The following WBP1L variants were observed in gnomAD, a reference collection of about 807,000 sequenced individuals.
WBP1L encodes WW domain binding protein 1 like.
Under a neutral mutation model 33.7 loss-of-function variants are expected in WBP1L, and 17 were observed. That is an observed-to-expected ratio of 0.50 (90% CI 0.34 to 0.76). The LOEUF (loss-of-function observed/expected upper bound fraction) is 0.76, where lower values mean the gene tolerates loss of function less well. WBP1L is among the 30% of genes least tolerant of loss of function. The pLI is 0.01. For missense variants in WBP1L, 389 were observed against 469.4 expected (o/e 0.83, Z 1.58); for synonymous variants, 173 against 190.8 (o/e 0.91, Z 0.77).
intron 1 of WBP1L, among the ~76,000 whole-genome samples, chr10:102,747,510 T>G (rs1344356340): frequency 2.0e-5 from 3 of 152,108 alleles, no homozygotes; most frequent in Admixed American, 2.0e-4. Context: ...GAATGTTTGT[T>G]TTTGTTGTTG....
intron 1 of WBP1L, among the ~76,000 whole-genome samples, chr10:102,771,150 T>G (rs1248418478): frequency 2.0e-5 from 3 of 152,174 alleles, no homozygotes; most frequent in Non-Finnish European, 4.4e-5. Context: ...ATTTAAAGAT[T>G]ATAAATATAT....
intron 1 of WBP1L, among the ~76,000 whole-genome samples, chr10:102,760,256 A>G (rs546046344): frequency 6.6e-6 from 1 of 151,942 alleles, no homozygotes; most frequent in South Asian, 2.1e-4. Flanking sequence ...TTTTCTTTTA[A>G]ACTGGGCTCG....
chr10:102,766,478 TG>T (rs1843112271), intron 1 of WBP1L, among the ~76,000 whole-genome samples: 1 of 148,196 alleles, frequency 6.7e-6, no homozygotes, highest in Non-Finnish European at 1.5e-5. Context: ...AAAAATAAGT[TG>T]GGCATTGTAG....
intron 3 of WBP1L, among the ~76,000 whole-genome samples, chr10:102,811,166 C>T (rs886936483): frequency 1.3e-5 from 2 of 152,028 alleles, no homozygotes; most frequent in African/African-American, 4.8e-5. Flanking sequence ...TGGCTCAGCA[C>T]TTTGGGAGGC....
chr10:102,783,077 C>T (rs2095720994), intron 1 of WBP1L, among the ~76,000 whole-genome samples: 1 of 152,130 alleles, frequency 6.6e-6, no homozygotes, highest in Non-Finnish European at 1.5e-5. Flanking sequence ...GGTTTGAATA[C>T]CTGTGATCTC....
intron 1 of WBP1L, among the ~76,000 whole-genome samples, chr10:102,767,240 A>G (rs971156005): frequency 5.9e-5 from 9 of 152,234 alleles, no homozygotes; most frequent in Admixed American, 3.3e-4. Context: ...TACGAAAGTA[A>G]TAAATATTTC....
chr10:102,763,304 A>G (rs928609084), intron 1 of WBP1L, among the ~76,000 whole-genome samples: 1 of 151,984 alleles, frequency 6.6e-6, no homozygotes, highest in African/African-American at 2.4e-5. Flanking sequence ...TGTGCTGCTC[A>G]AAATATAGGA....
chr10:102,798,122 G>C (rs1281790709), intron 2 of WBP1L, 27 bp downstream of exon 2: 2 of 1,596,520 alleles, frequency 1.3e-6, no homozygotes, highest in African/African-American at 2.7e-5. Context: ...GTGCCTCTCA[G>C]TATCCCAGGG....
intron 1 of WBP1L, among the ~76,000 whole-genome samples, chr10:102,757,569 CTTTTTTTT>C (rs60213859): frequency 4.4e-4 from 39 of 88,810 alleles, no homozygotes; most frequent in African/African-American, 1.7e-3. Context: ...GTTTCTGAGC[CTTTTTTTT>C]TTTTTTTTTT....
At chr10:102,745,424 T>C (rs925364856) in intron 1 of WBP1L, among the ~76,000 whole-genome samples, 2 of 152,270 alleles carry the variant, frequency 1.3e-5, no homozygotes, top group South Asian at 2.1e-4. Context: ...ATCACCCCAA[T>C]AGAAAACCTC....
At chr10:102,749,867 TC>T (rs1277356679) in intron 1 of WBP1L, among the ~76,000 whole-genome samples, 2 of 151,438 alleles carry the variant, frequency 1.3e-5, no homozygotes, top group African/African-American at 2.4e-5. Context: ...CACCTCTGAC[TC>T]CCGGGTTCAA....
At chr10:102,756,849 G>A (rs373200289) in intron 1 of WBP1L, among the ~76,000 whole-genome samples, 47 of 151,674 alleles carry the variant, frequency 3.1e-4, no homozygotes, top group African/African-American at 9.7e-4. Context: ...TGGGCAGATC[G>A]CTTGAGCCCA....
At chr10:102,804,387 CAAAA>C (rs10710280) in intron 2 of WBP1L, among the ~76,000 whole-genome samples, 5 of 74,560 alleles carry the variant, frequency 6.7e-5, no homozygotes, top group Admixed American at 1.7e-4. Context: ...GACCCTGTCT[CAAAA>C]AAAAAAAAAA....
intron 1 of WBP1L, among the ~76,000 whole-genome samples, chr10:102,786,634 G>A (rs1418807133): frequency 1.3e-5 from 2 of 152,180 alleles, no homozygotes; most frequent in African/African-American, 4.8e-5. Context: ...TTTATAAGAT[G>A]CCCTTATTGT....
intron 2 of WBP1L, among the ~76,000 whole-genome samples, chr10:102,804,422 A>ATTTTT (rs1564769134): frequency 1.0e-5 from 1 of 98,970 alleles, no homozygotes. Flanking sequence ...TTTTTTTTAA[A>ATTTTT]AAAAAAATTA....
At chr10:102,756,002 C>G (rs1208200562) in intron 1 of WBP1L, among the ~76,000 whole-genome samples, 1 of 151,534 alleles carries the variant, frequency 6.6e-6, no homozygotes, top group African/African-American at 2.4e-5. Context: ...CCAAGATGGC[C>G]TATGGCTCAG....
At chr10:102,761,280 C>T (rs1388199633) in intron 1 of WBP1L, among the ~76,000 whole-genome samples, 1 of 151,674 alleles carries the variant, frequency 6.6e-6, no homozygotes, top group African/African-American at 2.4e-5. Flanking sequence ...GCTGGGATTA[C>T]AGGCACCTAC....
At chr10:102,803,623 G>A (rs1475808200) in intron 2 of WBP1L, among the ~76,000 whole-genome samples, 1 of 120,330 alleles carries the variant, frequency 8.3e-6, no homozygotes, top group East Asian at 2.2e-4. Context: ...TTTTTTTTTG[G>A]AGGCAGGGTC....
Position 102,813,189 on chromosome 10 carries a change from A to T in WBP1L, c.950A>T (p.Glu317Val). 6.2e-7 allele frequency: 1 copy of T among 1,613,878 alleles called. No homozygotes were observed. The highest frequency in any genetic ancestry group is 8.5e-7 in the Non-Finnish European group (1 of 1,180,020). Residue 317 changes from glutamate (E) to valine (V), a missense_variant, in exon 4 of 4, where the codon GAG becomes GTG. By Grantham distance (121) the Glu-to-Val change is moderately radical. Coordinates refer to ENST00000448841, the MANE Select transcript of WBP1L (RefSeq NM_001083913.2). ...CATGTGCGGCCCCCTGGTGATGAGG[A>T]GGAAGGCCTCTGTCAGTCCTCTGAG... is the stretch of plus-strand genomic sequence containing the variant. ...SCHVRPPGDE[E>V]EGLCQSSEEQ...
Sources: gnomAD v4.1 joint callset for allele counts (sites outside exome capture counted in the v4.1 genomes callset) on GRCh38, gnomAD v4.1.1 for gene constraint, MANE v1.5 for transcripts, NCBI Gene and HGNC (gene_info 2026-07-23, HGNC 2026-07-21) for gene names.